The following CNBD1 variants were observed in gnomAD, a reference collection of about 807,000 sequenced individuals.
CNBD1 encodes the protein cyclic nucleotide binding domain containing 1, also known as cyclic nucleotide-binding domain-containing protein 1.
In CNBD1, 71 loss-of-function variants were observed where a neutral mutation model predicts 54.4. The observed-to-expected ratio is 1.30, with a 90% confidence interval of 1.08 to 1.59. CNBD1 has a LOEUF of 1.59. Ranked by LOEUF, CNBD1 falls within the 40% of genes most tolerant of loss-of-function variation. CNBD1 has a pLI of 0.00. For missense variants in CNBD1, 659 were observed against 518.0 expected (o/e 1.27, Z -2.64); for synonymous variants, 182 against 170.7 (o/e 1.07, Z -0.51).
chr8:86,883,970 T>C (rs934440831), intron 1 of CNBD1, among the ~76,000 whole-genome samples: 1 of 151,658 alleles, frequency 6.6e-6, no homozygotes. Flanking sequence ...GCTAAAACGG[T>C]GAAACCCCGT....
intron 2 of CNBD1, among the ~76,000 whole-genome samples, chr8:87,410,160 A>T (rs1354023781): frequency 6.6e-6 from 1 of 152,200 alleles, no homozygotes; most frequent in Non-Finnish European, 1.5e-5. Context: ...ACTGCTCAGA[A>T]GAAAAGATTC....
chr8:87,244,557 C>G (rs1807762809), intron 6 of CNBD1, among the ~76,000 whole-genome samples: 1 of 152,034 alleles, frequency 6.6e-6, no homozygotes, highest in Admixed American at 6.6e-5. Flanking sequence ...GAATTTATCC[C>G]TTTTAAGTAA....
At chr8:87,121,590 T>G (rs1811891069) in intron 4 of CNBD1, among the ~76,000 whole-genome samples, 1 of 151,708 alleles carries the variant, frequency 6.6e-6, no homozygotes, top group Admixed American at 6.6e-5. Context: ...ATTGTCACCC[T>G]GCTATGCAGT....
At chr8:87,333,645 G>A (rs928956232) in intron 8 of CNBD1, among the ~76,000 whole-genome samples, 5 of 152,258 alleles carry the variant, frequency 3.3e-5, no homozygotes, top group Middle Eastern at 3.4e-3. Context: ...TGTGGTTTTT[G>A]TCATTAGTTA....
intron 2 of CNBD1, among the ~76,000 whole-genome samples, chr8:87,403,712 A>G (rs531978273): frequency 6.6e-6 from 1 of 152,166 alleles, no homozygotes; most frequent in Admixed American, 6.6e-5. Flanking sequence ...AGTTACTACT[A>G]CTACCGAGAA....
At chr8:87,099,065 A>AAAAAAAAAAAAAAAAAAAC (rs978372704) in intron 4 of CNBD1, among the ~76,000 whole-genome samples, 3 of 143,984 alleles carry the variant, frequency 2.1e-5, no homozygotes, top group African/African-American at 8.3e-5. Context: ...AAAAAACAAA[A>AAAAAAAAAAAAAAAAAAAC]CTCCAAATTT....
intron 10 of CNBD1, among the ~76,000 whole-genome samples, chr8:87,375,049 T>G (rs1810897014): frequency 6.6e-6 from 1 of 151,930 alleles, no homozygotes; most frequent in Non-Finnish European, 1.5e-5. Context: ...CCTTAACATT[T>G]ATAAATCTTC....
At chr8:87,176,048 C>T (rs1479060029) in intron 4 of CNBD1, among the ~76,000 whole-genome samples, 1 of 152,234 alleles carries the variant, frequency 6.6e-6, no homozygotes, top group African/African-American at 2.4e-5. Context: ...CTGTACCTCT[C>T]CCAAGTGCAG....
chr8:87,256,440 C>T (rs1250009381), intron 6 of CNBD1, among the ~76,000 whole-genome samples: 8 of 151,994 alleles, frequency 5.3e-5, no homozygotes, highest in Non-Finnish European at 1.2e-4. Context: ...TCCTGGTTGG[C>T]TCTCCTATTG....
intron 4 of CNBD1, among the ~76,000 whole-genome samples, chr8:87,094,599 G>A (rs997575035): frequency 1.3e-5 from 2 of 152,058 alleles, no homozygotes; most frequent in Admixed American, 6.5e-5. Flanking sequence ...TGCCCTCAGG[G>A]ATGTTAGATG....
chr8:87,013,673 T>C (rs1809271816), intron 4 of CNBD1, among the ~76,000 whole-genome samples: 1 of 151,370 alleles, frequency 6.6e-6, no homozygotes, highest in Admixed American at 6.6e-5. Context: ...TTTATATTCA[T>C]CTCATGGCTA....
chr8:87,035,779 A>T (rs2130601335), intron 4 of CNBD1, among the ~76,000 whole-genome samples: 1 of 152,262 alleles, frequency 6.6e-6, no homozygotes, highest in African/African-American at 2.4e-5. Context: ...AATGTATGGC[A>T]GCCCGGCTCC....
chr8:87,238,496 AGG>A (rs1807625905), intron 6 of CNBD1, among the ~76,000 whole-genome samples: 1 of 152,148 alleles, frequency 6.6e-6, no homozygotes, highest in South Asian at 2.1e-4. Flanking sequence ...TTGTGTATCA[AGG>A]CTTTAATGTC....
chr8:86,926,031 A>G (rs1809354552), intron 3 of CNBD1, among the ~76,000 whole-genome samples: 2 of 152,028 alleles, frequency 1.3e-5, no homozygotes, highest in Non-Finnish European at 2.9e-5. Flanking sequence ...CCCATGTTCC[A>G]TTTCTGTCCT....
intron 4 of CNBD1, among the ~76,000 whole-genome samples, chr8:86,982,706 TA>T (rs1232707870): frequency 6.6e-6 from 1 of 152,196 alleles, no homozygotes; most frequent in African/African-American, 2.4e-5. Context: ...TATTAAGCTT[TA>T]AAATCAGGGA....
intron 4 of CNBD1, among the ~76,000 whole-genome samples, chr8:87,190,889 ATATC>A (rs1386086120): frequency 5.0e-5 from 7 of 139,040 alleles, no homozygotes; most frequent in African/African-American, 2.1e-4. Flanking sequence ...ACATGTACGT[ATATC>A]TATTTAGATA....
intron 8 of CNBD1, among the ~76,000 whole-genome samples, chr8:87,346,502 G>T (rs940430238): frequency 6.6e-6 from 1 of 151,640 alleles, no homozygotes; most frequent in Non-Finnish European, 1.5e-5. Context: ...TCTTCCATAA[G>T]TGTAGTCTTA....
At chr8:87,384,823 A>T (rs533372402), downstream of CNBD1, among the ~76,000 whole-genome samples, 2 of 152,288 alleles carry the variant, frequency 1.3e-5, no homozygotes, top group East Asian at 3.9e-4. Context: ...GTATAATGTT[A>T]TCTGAGGTGG....
At position 87,236,948 on chromosome 8, in the gene CNBD1, C is replaced by T; in HGVS notation, c.607C>T (p.Leu203=). Residue 203 remains leucine, a synonymous_variant, in exon 6 of 11, where the codon CTG becomes TTG. Coordinates refer to ENST00000518476, the MANE Select transcript of CNBD1 (RefSeq NM_173538.3). ...VVANDGFYVI[L]KGLARPQTNV... is the part of the protein sequence containing the mutation. ...TGCAAATGATGGATTTTATGTAATA[C>T]TGAAAGGCCTAGCTCGACCTCAAAC... is the stretch of plus-strand genomic sequence containing the variant. 3.7e-6 allele frequency: 6 copies of T among 1,604,488 alleles called. No homozygotes were observed. The highest frequency in any genetic ancestry group is 5.1e-6 in the Non-Finnish European group (6 of 1,174,920).
Sources: allele counts gnomAD v4.1 joint callset (sites outside exome capture counted in the v4.1 genomes callset), GRCh38; gene constraint gnomAD v4.1.1; transcripts MANE v1.5; gene names NCBI Gene and HGNC (gene_info 2026-07-23, HGNC 2026-07-21).